The following CES5A variants were observed in gnomAD, a reference collection of about 807,000 sequenced individuals.
CES5A encodes carboxylesterase 5.
A neutral mutation model predicts 62.9 loss-of-function variants in CES5A; 67 were observed. That is an observed-to-expected ratio of 1.07 (90% CI 0.88 to 1.31). The LOEUF (loss-of-function observed/expected upper bound fraction) is 1.31, where lower values mean the gene tolerates loss of function less well. Ranked by LOEUF, CES5A falls within the 50% of genes most tolerant of loss-of-function variation. The pLI is 0.00. For synonymous variants in CES5A, 296 were observed against 280.8 expected, an observed-to-expected ratio of 1.05 and a Z score of -0.54; for missense variants, 748 against 708.5, an observed-to-expected ratio of 1.06 and a Z score of -0.63.
chr16:55,854,493 C>T (rs1292989024), intron 9 of CES5A, among the ~76,000 whole-genome samples: 12 of 141,820 alleles, frequency 8.5e-5, no homozygotes, highest in African/African-American at 2.9e-4. Context: ...AACATCCCTC[C>T]ACCAAGGGGG....
upstream of CES5A, among the ~76,000 whole-genome samples, chr16:55,880,056 C>T (rs2033745217): frequency 6.6e-6 from 1 of 152,218 alleles, no homozygotes; most frequent in African/African-American, 2.4e-5. Context: ...TGCCCTTGTT[C>T]TATAGGTGGT....
intron 8 of CES5A, among the ~76,000 whole-genome samples, chr16:55,858,666 A>G (rs2142393366): frequency 6.6e-6 from 1 of 152,360 alleles, no homozygotes; most frequent in African/African-American, 2.4e-5. Context: ...TTGTAATTTG[A>G]CAAACCTCTT....
intron 1 of CES5A, among the ~76,000 whole-genome samples, chr16:55,917,392 T>G (rs2034157676): frequency 6.6e-6 from 1 of 152,242 alleles, no homozygotes; most frequent in South Asian, 2.1e-4. Flanking sequence ...ACTGAGGTTC[T>G]CTCATAAGAT....
chr16:55,891,311 T>C (rs1371841212), intron 1 of CES5A, among the ~76,000 whole-genome samples: 1 of 152,238 alleles, frequency 6.6e-6, no homozygotes. Context: ...CACCCTTCTA[T>C]AGAAATAAAT....
intron 4 of CES5A, among the ~76,000 whole-genome samples, chr16:55,867,966 C>A (rs1279658324): frequency 1.3e-5 from 2 of 152,292 alleles, no homozygotes; most frequent in Middle Eastern, 3.4e-3. Flanking sequence ...TGCAGCTGGG[C>A]ACCCCTGGCT....
chr16:55,952,163 G>T (rs768200156), intron 1 of CES5A, among the ~76,000 whole-genome samples: 30 of 152,152 alleles, frequency 2.0e-4, no homozygotes, highest in Non-Finnish European at 4.0e-4. Flanking sequence ...ATGCACCTGA[G>T]CATGCTAAAT....
At chr16:55,849,287 T>C (rs1039523871) in intron 11 of CES5A, among the ~76,000 whole-genome samples, 14 of 151,916 alleles carry the variant, frequency 9.2e-5, no homozygotes, top group African/African-American at 4.8e-5. Flanking sequence ...ATGGGATTTC[T>C]GGGAAGGGGA....
rs550958902 is a variant in CES5A, at chr16:55,859,786, C to A, written c.916-99G>T. The A allele has an allele frequency of 2.6e-3, 2,733 of 1,064,232 alleles. 47 individuals are homozygous for A. In the South Asian group the frequency reaches 0.029, roughly 11 times the overall value. The allele number at this position is 1,064,232 out of a possible 1,614,324, so 65.9% of individuals were successfully genotyped here. A position where few individuals can be genotyped will look rare whatever the true frequency, so the allele number is the denominator to read the frequency against. ...CCTGGCCAAGAAAAGCCAACCCAGT[C>A]TAGCACTGGCTTAAATGCACTTAAA... On this transcript the variant is annotated intron_variant, in intron 7 of 12. Coordinates refer to ENST00000290567, the MANE Select transcript of CES5A (RefSeq NM_001143685.2).
chr16:55,914,546 C>G (rs758870679), intron 1 of CES5A, among the ~76,000 whole-genome samples: 3 of 152,204 alleles, frequency 2.0e-5, no homozygotes, highest in Non-Finnish European at 4.4e-5. Context: ...CCAACCAGTT[C>G]TCTGGGAGTA....
rs2033248191 is a variant in CES5A at position 55,856,571 on chromosome 16, C to T, written c.1057-126G>A. On this transcript the variant is annotated intron_variant, in intron 8 of 12. Transcript: ENST00000290567. ...TAAGGAGCCCTCAAGCCCAAGCAGCCACATGTGGAAGTGGCCTCAGTGTGC... is the reference window on the plus strand; with the variant it reads ...TAAGGAGCCCTCAAGCCCAAGCAGCTACATGTGGAAGTGGCCTCAGTGTGC... 1.0e-5 allele frequency: 8 copies of T among 773,432 alleles called. No homozygotes were observed. The South Asian group carries it at 1.2e-4, about 12-fold the overall frequency. The allele number at this position is 773,432 out of a possible 1,614,324, so 47.9% of individuals were successfully genotyped here.
intron 1 of CES5A, among the ~76,000 whole-genome samples, chr16:55,892,708 A>G (rs1188520170): frequency 7.2e-6 from 1 of 138,572 alleles, no homozygotes; most frequent in Admixed American, 7.2e-5. Flanking sequence ...TCACACTCTA[A>G]CAACAACAAC....
In CES5A at chr16:55,861,586, T is replaced by G. The variant is rs375162516; in HGVS notation, c.811-70A>C. The stretch of plus-strand genomic sequence containing the variant: ...ATCTAGGAAAATGAAAGCTTGAAAA[T>G]GCCCTCCAATCAGCCACAGGCTGGC... On this transcript the variant is annotated intron_variant, in intron 6 of 12. Coordinates refer to ENST00000290567, the MANE Select transcript of CES5A (RefSeq NM_001143685.2). 53 of 1,130,204 alleles carry G rather than the reference T, an allele frequency of 4.7e-5. No individual in the cohort carries two copies. The East Asian group carries it at 1.0e-3, about 22-fold the overall frequency. The allele number at this position is 1,130,204 out of a possible 1,614,324, so 70.0% of individuals were successfully genotyped here. A position where few individuals can be genotyped will look rare whatever the true frequency, so the allele number is the denominator to read the frequency against.
chr16:55,849,828 G>A, intron 10 of CES5A, 55 bp from the exon 11 acceptor site: 2 of 1,581,274 alleles, frequency 1.3e-6, no homozygotes, highest in Non-Finnish European at 1.7e-6. Flanking sequence ...CAGGGGGCTG[G>A]CTCTGTGTCC....
chr16:55,928,533 A>C (rs370870659), upstream of CES5A, among the ~76,000 whole-genome samples: 67 of 152,326 alleles, frequency 4.4e-4, 1 homozygote, highest in East Asian at 9.3e-3. Flanking sequence ...CAGTTCATTT[A>C]TGTAACCAAA....
chr16:55,855,229 T>C (rs569439408), intron 9 of CES5A, among the ~76,000 whole-genome samples: 150 of 152,328 alleles, frequency 9.8e-4, no homozygotes, highest in African/African-American at 3.5e-3. Context: ...GGACTCTCAC[T>C]ACACATGTGT....
rs754650854 is a variant in CES5A at position 55,849,778 on chromosome 16, C to T, written c.1274-5G>A. 3.7e-6 allele frequency: 6 copies of T among 1,613,306 alleles called. No homozygotes were observed. The highest frequency in any genetic ancestry group is 1.7e-5 in the Admixed American group (1 of 59,992). ...AGTAGACAGGTGCACCAGCATCTGA[C>T]AAAAGGTCAGGGAAGGTCAGGCATG... On this transcript the variant is annotated splice_region_variant and splice_polypyrimidine_tract_variant and intron_variant, in intron 10 of 12. Transcript: ENST00000290567.
chr16:55,955,791 C>T (rs2034603074), intron 1 of CES5A: 1 of 1,521,504 alleles, frequency 6.6e-7, no homozygotes, highest in Non-Finnish European at 8.8e-7. Flanking sequence ...TTTCTCATTC[C>T]AGTGGGTTTG....
intron 6 of CES5A, among the ~76,000 whole-genome samples, chr16:55,862,803 C>G (rs556201062): frequency 6.6e-6 from 1 of 152,070 alleles, no homozygotes; most frequent in Non-Finnish European, 1.5e-5. Context: ...TGATATATAC[C>G]AGGTATTATG....
At chr16:55,926,651 G>C (rs554589514), upstream of CES5A, among the ~76,000 whole-genome samples, 1 of 152,344 alleles carries the variant, frequency 6.6e-6, no homozygotes, top group African/African-American at 2.4e-5. Flanking sequence ...TGTTTAATGA[G>C]AGAAATGAGC....
Sources: allele counts gnomAD v4.1 joint callset (sites outside exome capture counted in the v4.1 genomes callset), GRCh38; gene constraint gnomAD v4.1.1; transcripts MANE v1.5; gene names NCBI Gene and HGNC (gene_info 2026-07-23, HGNC 2026-07-21).